KCNH8: variants seen among roughly 807,000 people sequenced by gnomAD.
The protein encoded by KCNH8 is potassium voltage-gated channel subfamily H member 8, also known as voltage-gated delayed rectifier potassium channel KCNH8.
In KCNH8, 70 loss-of-function variants were observed where a neutral mutation model predicts 103.6. That is an observed-to-expected ratio of 0.68 (90% CI 0.56 to 0.82). KCNH8 has a LOEUF of 0.82. Among genes scored for constraint, KCNH8 ranks in the 40% least tolerant of loss-of-function variants. The pLI, the probability that KCNH8 is intolerant of heterozygous loss-of-function variation, is 0.00. For missense variants in KCNH8, 1,217 were observed against 1,329.9 expected, an observed-to-expected ratio of 0.92 and a Z score of 1.32; for synonymous variants, 498 against 489.4, an observed-to-expected ratio of 1.02 and a Z score of -0.23.
chr3:19,393,612 C>G (rs934697880), intron 6 of KCNH8, among the ~76,000 whole-genome samples: 1 of 152,034 alleles, frequency 6.6e-6, no homozygotes, highest in African/African-American at 2.4e-5. Flanking sequence ...AACTCCATCC[C>G]CAGTAATATC....
intron 14 of KCNH8, 68 bp downstream of exon 14, chr3:19,515,496 G>A: frequency 1.5e-6 from 1 of 651,728 alleles, no homozygotes; most frequent in Non-Finnish European, 2.1e-6. Flanking sequence ...TTTGTTATGG[G>A]CATTTTTTTT....
chr3:19,375,399 G>A (rs1215713281), intron 5 of KCNH8, among the ~76,000 whole-genome samples: 2 of 150,592 alleles, frequency 1.3e-5, no homozygotes, highest in Non-Finnish European at 1.5e-5. Flanking sequence ...TGATTGCATC[G>A]GCTCCTGAGG....
chr3:19,386,601 G>A (rs1222899612), intron 5 of KCNH8, among the ~76,000 whole-genome samples: 1 of 152,036 alleles, frequency 6.6e-6, no homozygotes, highest in Non-Finnish European at 1.5e-5. Context: ...GTGTATATGT[G>A]TGTGTTTTGT....
chr3:19,333,588 T>A (rs1286790373), intron 3 of KCNH8, among the ~76,000 whole-genome samples: 1 of 152,158 alleles, frequency 6.6e-6, no homozygotes, highest in Non-Finnish European at 1.5e-5. Flanking sequence ...TTTGTAACAC[T>A]CTCATAGTAA....
intron 5 of KCNH8, among the ~76,000 whole-genome samples, chr3:19,357,657 T>C (rs188263988): frequency 6.6e-6 from 1 of 152,004 alleles, no homozygotes; most frequent in East Asian, 1.9e-4. Context: ...CCACAAAGAC[T>C]GAGAGTCATA....
Position 19,515,419 on chromosome 3 carries a change from C to A in KCNH8, c.2533C>A (p.Pro845Thr). 1 of 1,526,194 alleles carries A rather than the reference C, an allele frequency of 6.6e-7. No homozygotes were observed. The highest frequency in any genetic ancestry group is 8.8e-7 in the Non-Finnish European group (1 of 1,130,984). The allele number at this position is 1,526,194 out of a possible 1,614,324, so 94.5% of individuals were successfully genotyped here. A position where few individuals can be genotyped will look rare whatever the true frequency, so the allele number is the denominator to read the frequency against. The change falls in exon 14 of 16, where the codon CCT becomes ACT. Residue 845 changes from proline (P) to threonine (T), a missense_variant. Pro to Thr is a conservative substitution (Grantham distance 38). Coordinates refer to ENST00000328405, the MANE Select transcript of KCNH8 (RefSeq NM_144633.3). ...CAGATCAGAGCCCAGAATTTCTCCT[C>A]CTCTTGGAGGTAAGATCTATATTTA... ...RIRSEPRISPPLGDPEIGAAV... is the reference protein window; with the variant it reads ...RIRSEPRISPTLGDPEIGAAV...
chr3:19,153,760 T>TGGCTG (rs1260076407), intron 1 of KCNH8, among the ~76,000 whole-genome samples: 1 of 151,720 alleles, frequency 6.6e-6, no homozygotes, highest in Non-Finnish European at 1.5e-5. Flanking sequence ...GCCTCCCAAG[T>TGGCTG]GGCTGGGATT....
chr3:19,217,683 A>G (rs571434547), intron 1 of KCNH8, among the ~76,000 whole-genome samples: 2 of 152,324 alleles, frequency 1.3e-5, no homozygotes, highest in South Asian at 2.1e-4. Flanking sequence ...TAAGCTGTCC[A>G]GCTGGGATTC....
chr3:19,160,910 G>A (rs962494494), intron 1 of KCNH8, among the ~76,000 whole-genome samples: 2 of 152,058 alleles, frequency 1.3e-5, no homozygotes, highest in Non-Finnish European at 2.9e-5. Context: ...TGGCCCTAAA[G>A]CGCAAGAGTG....
At chr3:19,239,673 TCTATCTATCTACCTAC>T (rs1432799628) in intron 1 of KCNH8, among the ~76,000 whole-genome samples, 3 of 150,372 alleles carry the variant, frequency 2.0e-5, no homozygotes, top group Non-Finnish European at 4.5e-5. Flanking sequence ...TATCTATCTA[TCTATCTATCTACCTAC>T]CTACCTATCT....
chr3:19,358,194 TTC>T (rs1388399218), intron 5 of KCNH8, among the ~76,000 whole-genome samples: 2 of 150,706 alleles, frequency 1.3e-5, no homozygotes, highest in African/African-American at 4.9e-5. Context: ...CCTTCCTTCC[TTC>T]TTTTTTCTTT....
chr3:19,263,501 G>A (rs2064463638), intron 2 of KCNH8, among the ~76,000 whole-genome samples: 1 of 152,062 alleles, frequency 6.6e-6, no homozygotes, highest in Admixed American at 6.6e-5. Flanking sequence ...GTATAAGATG[G>A]CTTCACTCAT....
chr3:19,262,614 C>G (rs2064452014), intron 2 of KCNH8, among the ~76,000 whole-genome samples: 1 of 151,966 alleles, frequency 6.6e-6, no homozygotes, highest in South Asian at 2.1e-4. Flanking sequence ...AATTTCAGAG[C>G]AAAAGATGTC....
intron 5 of KCNH8, among the ~76,000 whole-genome samples, chr3:19,353,437 G>T (rs577405747): frequency 6.6e-6 from 1 of 152,010 alleles, no homozygotes; most frequent in Non-Finnish European, 1.5e-5. Flanking sequence ...CAAAAAAAGA[G>T]AATTTTAGAT....
chr3:19,376,791 A>G (rs1004702780), intron 5 of KCNH8, among the ~76,000 whole-genome samples: 49 of 152,260 alleles, frequency 3.2e-4, no homozygotes, highest in African/African-American at 1.2e-3. Flanking sequence ...AAGAGACTCA[A>G]AATACACTGG....
chr3:19,258,939 CTCT>C (rs2064385319), intron 2 of KCNH8, among the ~76,000 whole-genome samples: 3 of 74,108 alleles, frequency 4.0e-5, no homozygotes, highest in Non-Finnish European at 8.3e-5. Flanking sequence ...CTCTCTCTCT[CTCT>C]CTCTCTATAT....
In KCNH8 at chr3:19,507,959, T is replaced by A. The variant is rs186835958; in HGVS notation, c.2041-2404T>A. The stretch of plus-strand genomic sequence containing the variant: ...CTCTGATGACTAATCTGGGTTATTA[T>A]CATGAAGGGAAGTTGATTTTATTTG... On this transcript the variant is annotated intron_variant, in intron 11 of 15. Transcript: ENST00000328405. 5.3e-3 allele frequency among the ~76,000 whole-genome samples: 811 copies of A among 152,328 alleles called. 5 individuals are homozygous for A. Among genetic ancestry groups the A allele is most frequent in the Non-Finnish European group, 8.9e-3 (604 of 68,022 alleles).
At chr3:19,250,177 A>G (rs2064257854) in intron 1 of KCNH8, among the ~76,000 whole-genome samples, 2 of 152,146 alleles carry the variant, frequency 1.3e-5, no homozygotes, top group African/African-American at 4.8e-5. Flanking sequence ...AGGTGGGAGG[A>G]TCACTTGAGC....
chr3:19,487,957 G>C (rs1332885399), intron 11 of KCNH8, among the ~76,000 whole-genome samples: 1 of 152,302 alleles, frequency 6.6e-6, no homozygotes. Context: ...TCTCGGGTAA[G>C]GGGGTGACCG....
Sources: gnomAD v4.1 joint callset for allele counts (sites outside exome capture counted in the v4.1 genomes callset) on GRCh38, gnomAD v4.1.1 for gene constraint, MANE v1.5 for transcripts, NCBI Gene and HGNC (gene_info 2026-07-23, HGNC 2026-07-21) for gene names.